Variants in SBF2 observed in about 807,000 individuals in gnomAD.
SBF2 encodes SET binding factor 2, also known as myotubularin-related protein 13.
In SBF2, 112 loss-of-function variants were observed where a neutral mutation model predicts 225.2. The ratio of observed to expected loss-of-function variants is 0.50; its 90% CI spans 0.43 to 0.58. The LOEUF is 0.58. SBF2 is among the 20% of genes least tolerant of loss of function. The pLI, the probability that SBF2 is intolerant of heterozygous loss-of-function variation, is 0.00. For synonymous variants in SBF2, 763 were observed against 773.3 expected (o/e 0.99, Z 0.22); for missense variants, 1,996 against 2,206.2 (o/e 0.90, Z 1.91).
chr11:10,098,895 G>A (rs904969656), intron 2 of SBF2, among the ~76,000 whole-genome samples: 3 of 151,902 alleles, frequency 2.0e-5, no homozygotes, highest in Non-Finnish European at 4.4e-5. Context: ...AAGCCTGCAG[G>A]ATTTATGAGA....
intron 16 of SBF2, among the ~76,000 whole-genome samples, chr11:9,931,576 A>G (rs1864502446): frequency 6.6e-6 from 1 of 151,478 alleles, no homozygotes. Flanking sequence ...AGAAAGGAAT[A>G]GCACCAACAT....
chr11:9,831,699 G>A (rs1213248866), intron 27 of SBF2, among the ~76,000 whole-genome samples: 1 of 152,200 alleles, frequency 6.6e-6, no homozygotes, highest in Non-Finnish European at 1.5e-5. Context: ...TGGGACAGCT[G>A]TACTTATTAT....
Position 9,992,403 on chromosome 11 carries a change from T to C in SBF2, c.1296+12A>G, listed in dbSNP as rs762099135. On this transcript the variant is annotated intron_variant, in intron 12 of 39. Transcript: ENST00000256190. ...GTCTATAAATAATGCCTTCATTTAA[T>C]AAGAGCTATACCTCATCAAAGAGAT... The C allele has an allele frequency of 1.9e-5, 31 of 1,603,872 alleles. No individual in the cohort carries two copies. Among genetic ancestry groups the C allele is most frequent in the South Asian group, 3.4e-5 (3 of 88,794 alleles).
At chr11:9,945,229 G>A (rs1865496115) in intron 16 of SBF2, among the ~76,000 whole-genome samples, 1 of 152,080 alleles carries the variant, frequency 6.6e-6, no homozygotes, top group Admixed American at 6.6e-5. Flanking sequence ...AATCAGGATG[G>A]CACTGGTACA....
chr11:10,206,033 T>G (rs989886622), intron 1 of SBF2, among the ~76,000 whole-genome samples: 3 of 151,818 alleles, frequency 2.0e-5, no homozygotes, highest in African/African-American at 7.2e-5. Flanking sequence ...TTTGTCCTCA[T>G]GAGTCAGAAT....
chr11:10,102,638 G>C (rs555257627), intron 2 of SBF2, among the ~76,000 whole-genome samples: 57 of 152,122 alleles, frequency 3.7e-4, no homozygotes, highest in Non-Finnish European at 5.1e-4. Context: ...TGTGTGAAGG[G>C]TTGATCCTGT....
Position 10,196,991 on chromosome 11 carries a change from AAAT to A in SBF2, c.56-3007_56-3005del, listed in dbSNP as rs1044929129. On this transcript the variant is annotated intron_variant, in intron 1 of 39. Transcript: ENST00000256190. ...ACATTTTCTAGTTTCTCACTATTATAAATAATACTACAATAAACGTCTTTATTT... is the reference window on the plus strand; with the variant it reads ...ACATTTTCTAGTTTCTCACTATTATAAATACTACAATAAACGTCTTTATTT... Among the ~76,000 whole-genome samples, 12 of 151,612 alleles carry A rather than the reference AAAT, an allele frequency of 7.9e-5. No homozygotes were observed. In the East Asian group the frequency reaches 1.5e-3, roughly 20 times the overall value.
intron 13 of SBF2, among the ~76,000 whole-genome samples, chr11:9,970,311 A>G (rs1200532908): frequency 6.6e-6 from 1 of 151,426 alleles, no homozygotes; most frequent in African/African-American, 2.4e-5. Flanking sequence ...GGTTCACACC[A>G]TTCTCCTGCC....
At chr11:10,154,091 A>G (rs1311120066) in intron 2 of SBF2, among the ~76,000 whole-genome samples, 6 of 152,070 alleles carry the variant, frequency 3.9e-5, no homozygotes, top group African/African-American at 1.4e-4. Flanking sequence ...TGTGTCTTCA[A>G]GTTAATTAGT....
At chr11:9,969,920 C>T (rs58084362) in intron 13 of SBF2, among the ~76,000 whole-genome samples, 4,947 of 152,246 alleles carry the variant, frequency 0.032, 307 homozygotes, top group East Asian at 0.18. Context: ...GGACACAATG[C>T]TGAACACACA....
chr11:10,276,080 C>T (rs1962941336), intron 1 of SBF2, among the ~76,000 whole-genome samples: 1 of 151,668 alleles, frequency 6.6e-6, no homozygotes, highest in African/African-American at 2.4e-5. Flanking sequence ...TTACTTTCTA[C>T]AAAATACTTT....
intron 6 of SBF2, among the ~76,000 whole-genome samples, chr11:10,015,651 A>C (rs1234910698): frequency 6.6e-6 from 1 of 152,222 alleles, no homozygotes; most frequent in Non-Finnish European, 1.5e-5. Context: ...AGGAGAAAAG[A>C]AAAGCATAGC....
intron 16 of SBF2, among the ~76,000 whole-genome samples, chr11:9,945,321 A>G (rs1047453825): frequency 6.6e-6 from 1 of 152,194 alleles, no homozygotes; most frequent in Non-Finnish European, 1.5e-5. Context: ...ATCTTCAATA[A>G]AGTCAAGAGT....
intron 13 of SBF2, among the ~76,000 whole-genome samples, chr11:9,979,392 T>C (rs1408587032): frequency 1.3e-5 from 2 of 152,180 alleles, no homozygotes; most frequent in Non-Finnish European, 2.9e-5. Context: ...TCAATATTTA[T>C]TATTATTATA....
At chr11:10,073,555 A>G (rs1950976597) in intron 2 of SBF2, among the ~76,000 whole-genome samples, 1 of 152,074 alleles carries the variant, frequency 6.6e-6, no homozygotes, top group Non-Finnish European at 1.5e-5. Flanking sequence ...TGTCTCTACT[A>G]ATAATACAAA....
At chr11:9,847,178 G>T in intron 22 of SBF2, 95 bp from the exon 23 acceptor site, 1 of 1,484,894 alleles carries the variant, frequency 6.7e-7, no homozygotes, top group Non-Finnish European at 9.4e-7. Context: ...CTAGAGAAAT[G>T]TATTTGAAGA....
chr11:9,993,730 T>G (rs774350264), intron 10 of SBF2, among the ~76,000 whole-genome samples, 191 bp downstream of exon 10: 1 of 152,218 alleles, frequency 6.6e-6, no homozygotes, highest in Non-Finnish European at 1.5e-5. Context: ...TCTTGCCCAG[T>G]GAACTTCCCT....
chr11:10,196,079 A>G lies in SBF2; in HGVS notation c.56-2092T>C, dbSNP rs1313353887. Among the ~76,000 whole-genome samples the G allele has an allele frequency of 2.0e-5, 3 of 152,224 alleles. No individual in the cohort carries two copies. In the East Asian group the frequency reaches 5.8e-4, roughly 29 times the overall value. On this transcript the variant is annotated intron_variant, in intron 1 of 39. Transcript: ENST00000256190. ...ATTTCAGTTATGTTATCGTAAGCTC[A>G]ATGATAGAAAGACCATACAAAACTT...
rs1381685189 is a variant in SBF2 at position 10,169,376 on chromosome 11, C to G, written c.141+24526G>C. ...CATCTGGTAACCATCCTTCTTCTCT[C>G]TCTCTCTATGAGATCAATTGTTTTA... is the stretch of plus-strand genomic sequence containing the variant. On this transcript the variant is annotated intron_variant, in intron 2 of 39. Coordinates refer to ENST00000256190, the MANE Select transcript of SBF2 (RefSeq NM_030962.4). Among the ~76,000 whole-genome samples the G allele has an allele frequency of 8.5e-5, 13 of 152,294 alleles. 1 individual carries two copies. Among genetic ancestry groups the G allele is most frequent in the Middle Eastern group, 3.4e-3 (1 of 294 alleles).
Sources: allele counts gnomAD v4.1 joint callset (sites outside exome capture counted in the v4.1 genomes callset), GRCh38; gene constraint gnomAD v4.1.1; transcripts MANE v1.5; gene names NCBI Gene and HGNC (gene_info 2026-07-23, HGNC 2026-07-21).